LRP1B: variants seen among roughly 807,000 people sequenced by gnomAD.
LRP1B encodes low-density lipoprotein receptor-related protein 1B.
LRP1B carries 217 observed loss-of-function variants against 556.6 expected under a neutral mutation model. The observed-to-expected ratio is 0.39, with a 90% CI of 0.35 to 0.44. LRP1B has a LOEUF of 0.44. Among genes scored for constraint, LRP1B ranks in the 20% least tolerant of loss-of-function variants. The pLI, the probability that LRP1B is intolerant of heterozygous loss-of-function variation, is 1.00. For missense variants in LRP1B, 5,053 were observed against 5,620.8 expected (o/e 0.90, Z 3.23); for synonymous variants, 2,047 against 1,865.8 (o/e 1.10, Z -2.50).
At chr2:141,604,140 T>C (rs1687839869) in intron 2 of LRP1B, among the ~76,000 whole-genome samples, 1 of 152,176 alleles carries the variant, frequency 6.6e-6, no homozygotes, top group African/African-American at 2.4e-5. Flanking sequence ...AGATGGTCCA[T>C]GGAAATGTCA....
intron 3 of LRP1B, among the ~76,000 whole-genome samples, chr2:141,411,347 C>T (rs938040363): frequency 1.3e-5 from 2 of 151,910 alleles, no homozygotes; most frequent in Admixed American, 1.3e-4. Flanking sequence ...TAAATACCTC[C>T]AATGTTTGTT....
intron 41 of LRP1B, among the ~76,000 whole-genome samples, chr2:140,644,557 C>T (rs768561238): frequency 6.6e-6 from 1 of 151,992 alleles, no homozygotes; most frequent in Non-Finnish European, 1.5e-5. Context: ...GTCACCATGC[C>T]TGGCTAATTT....
In LRP1B at chr2:140,620,172, T is replaced by TAAAG; in HGVS notation, c.6800-18537_6800-18534dup. Among the ~76,000 whole-genome samples the TAAAG allele has an allele frequency of 3.3e-5, 5 of 152,298 alleles. No homozygotes were observed. The South Asian group carries it at 1.0e-3, about 32-fold the overall frequency. ...CTTCTGAGAAAATTATGAATTTTAA[T>TAAAG]AAAGACAGAAAAGTTAGCCTGTCAC... On this transcript the variant is annotated intron_variant, in intron 41 of 90. Transcript: ENST00000389484.
chr2:141,627,522 C>T (rs1688745004), intron 2 of LRP1B, among the ~76,000 whole-genome samples: 1 of 152,166 alleles, frequency 6.6e-6, no homozygotes, highest in Non-Finnish European at 1.5e-5. Flanking sequence ...AGTTCCACCT[C>T]CTGTCAGATC....
At chr2:140,573,090 G>C (rs1349866955) in intron 43 of LRP1B, among the ~76,000 whole-genome samples, 1 of 151,624 alleles carries the variant, frequency 6.6e-6, no homozygotes, top group Admixed American at 6.6e-5. Context: ...GCACTGTAGG[G>C]TGACTATAGT....
At chr2:140,802,909 G>C (rs1005486141) in intron 32 of LRP1B, among the ~76,000 whole-genome samples, 1 of 152,116 alleles carries the variant, frequency 6.6e-6, no homozygotes, top group African/African-American at 2.4e-5. Flanking sequence ...TCTTAGTTAA[G>C]TAGATTCAAT....
chr2:141,178,854 C>G (rs907865077), intron 7 of LRP1B, among the ~76,000 whole-genome samples: 1 of 151,026 alleles, frequency 6.6e-6, no homozygotes, highest in Non-Finnish European at 1.5e-5. Flanking sequence ...TGAATAACTC[C>G]TTGATAGGCA....
intron 7 of LRP1B, among the ~76,000 whole-genome samples, chr2:141,097,060 C>T (rs1700341385): frequency 6.6e-6 from 1 of 152,158 alleles, no homozygotes; most frequent in African/African-American, 2.4e-5. Flanking sequence ...AATCTCCTAG[C>T]ATAGCAGCTG....
At chr2:141,108,271 G>A (rs1454977151) in intron 7 of LRP1B, among the ~76,000 whole-genome samples, 1 of 148,930 alleles carries the variant, frequency 6.7e-6, no homozygotes, top group Non-Finnish European at 1.5e-5. Context: ...AATGGTACAA[G>A]GTACAAGTTT....
At chr2:141,192,141 T>C (rs1681542532) in intron 6 of LRP1B, among the ~76,000 whole-genome samples, 1 of 151,942 alleles carries the variant, frequency 6.6e-6, no homozygotes, top group Non-Finnish European at 1.5e-5. Flanking sequence ...AGTTGAAGTG[T>C]CTGCTTTTAA....
At chr2:141,121,653 T>C (rs1238048027) in intron 7 of LRP1B, among the ~76,000 whole-genome samples, 1 of 152,026 alleles carries the variant, frequency 6.6e-6, no homozygotes, top group Non-Finnish European at 1.5e-5. Context: ...AGAATCAATA[T>C]CGTGAAAATG....
intron 66 of LRP1B, among the ~76,000 whole-genome samples, chr2:140,386,870 A>G (rs1683780935): frequency 6.6e-6 from 1 of 152,198 alleles, no homozygotes; most frequent in African/African-American, 2.4e-5. Flanking sequence ...TGAACTATGT[A>G]TAGCTAAAAC....
intron 35 of LRP1B, among the ~76,000 whole-genome samples, chr2:140,735,947 TA>T: frequency 6.6e-6 from 1 of 152,152 alleles, no homozygotes; most frequent in East Asian, 1.9e-4. Flanking sequence ...TGGGCTAGAA[TA>T]TAAGACTGGA....
intron 2 of LRP1B, among the ~76,000 whole-genome samples, chr2:141,679,232 C>G (rs998917462): frequency 1.1e-4 from 17 of 152,074 alleles, no homozygotes; most frequent in Non-Finnish European, 2.4e-4. Flanking sequence ...CAGACAAGAG[C>G]CTAGCCCCAG....
At chr2:140,927,103 G>A (rs956785883) in intron 20 of LRP1B, among the ~76,000 whole-genome samples, 1 of 152,118 alleles carries the variant, frequency 6.6e-6, no homozygotes, top group Non-Finnish European at 1.5e-5. Context: ...GTCAGAGTTC[G>A]AGACCAGCCT....
At chr2:140,506,562 C>T (rs1689422105) in intron 53 of LRP1B, among the ~76,000 whole-genome samples, 1 of 152,080 alleles carries the variant, frequency 6.6e-6, no homozygotes, top group South Asian at 2.1e-4. Context: ...TTTTTATAAA[C>T]ATTTTCCAAT....
At chr2:140,843,080 TGTTTGTTTTTTTTTTTTTTG>T (rs1559151605) in intron 29 of LRP1B, among the ~76,000 whole-genome samples, 239 of 20,616 alleles carry the variant, frequency 0.012, 2 homozygotes, top group African/African-American at 0.028. Context: ...TTTTTTTTTT[TGTTTGTTTTTTTTTTTTTTG>T]TTTTTTTTTT....
chr2:141,295,692 T>C (rs1478062476), intron 3 of LRP1B, among the ~76,000 whole-genome samples: 1 of 150,018 alleles, frequency 6.7e-6, no homozygotes, highest in Admixed American at 6.7e-5. Flanking sequence ...CCTAGTCATC[T>C]CCTGTCAAGA....
chr2:141,408,520 A>T (rs182454786), intron 3 of LRP1B, among the ~76,000 whole-genome samples: 119 of 152,268 alleles, frequency 7.8e-4, no homozygotes, highest in Non-Finnish European at 1.5e-3. Context: ...GTCAGAAACT[A>T]CATAAGTAAG....
Sources: allele counts gnomAD v4.1 joint callset (sites outside exome capture counted in the v4.1 genomes callset), GRCh38; gene constraint gnomAD v4.1.1; transcripts MANE v1.5; gene names NCBI Gene and HGNC (gene_info 2026-07-23, HGNC 2026-07-21).